The following CNBD2 variants were observed in gnomAD, a reference collection of about 807,000 sequenced individuals.
CNBD2 encodes the protein cyclic nucleotide-binding domain-containing protein 2.
CNBD2 carries 64 observed loss-of-function variants against 63.7 expected under a neutral mutation model. That is an observed-to-expected ratio of 1.00 (90% CI 0.82 to 1.24). The LOEUF (loss-of-function observed/expected upper bound fraction) is 1.24. Among genes scored for constraint, CNBD2 ranks in the 50% most tolerant of loss-of-function variants. The pLI, the probability that CNBD2 is intolerant of heterozygous loss-of-function variation, is 0.00. For missense variants in CNBD2, 691 were observed against 713.5 expected, an observed-to-expected ratio of 0.97 and a Z score of 0.36; for synonymous variants, 229 against 255.4, an observed-to-expected ratio of 0.90 and a Z score of 0.99.
chr20:36,000,403 G>GTC (rs1482509104), intron 8 of CNBD2, among the ~76,000 whole-genome samples: 2 of 152,016 alleles, frequency 1.3e-5, no homozygotes, highest in African/African-American at 4.8e-5. Context: ...TTGAGACAGA[G>GTC]TCTCACTCTG....
chr20:35,966,627 G>A (rs953100886), upstream of CNBD2, among the ~76,000 whole-genome samples: 29 of 152,000 alleles, frequency 1.9e-4, no homozygotes, highest in Non-Finnish European at 1.2e-4. Flanking sequence ...CTTGATTTGG[G>A]TGAGGTCTTC....
intron 1 of CNBD2, among the ~76,000 whole-genome samples, chr20:35,969,705 C>T (rs1303483675): frequency 1.3e-5 from 2 of 152,146 alleles, no homozygotes; most frequent in African/African-American, 2.4e-5. Flanking sequence ...TTGATCCCTT[C>T]GATCCCTACT....
In CNBD2 at chr20:35,987,490, CAA is replaced by C. The variant is rs752473467; in HGVS notation, c.815_816del (p.Lys272ArgfsTer17). On this transcript the variant is annotated frameshift_variant, in exon 7 of 12. Coordinates refer to ENST00000373973, the MANE Select transcript of CNBD2 (RefSeq NM_001365709.1). LOFTEE classifies it high-confidence loss of function. ...AGGTTCTCGTATGGGCAGCTGATCT[CAA>C]AAGATTTTGGAGAGTCACCCTTCAT... 1 of 1,614,162 alleles carries C rather than the reference CAA, an allele frequency of 6.2e-7. No homozygotes were observed. The highest frequency in any genetic ancestry group is 1.7e-5 in the Admixed American group (1 of 60,016).
At chr20:35,971,474 G>A (rs1256821455) in intron 1 of CNBD2, among the ~76,000 whole-genome samples, 3 of 152,040 alleles carry the variant, frequency 2.0e-5, no homozygotes, top group African/African-American at 7.2e-5. Context: ...GTAGTGCAGA[G>A]GCGCGATCTC....
chr20:36,009,206 T>C (rs189842460), intron 9 of CNBD2, among the ~76,000 whole-genome samples: 4,616 of 144,652 alleles, frequency 0.032, 252 homozygotes, highest in African/African-American at 0.11. Flanking sequence ...GTCTCTCTCT[T>C]TTTTTTTTTT....
chr20:35,971,888 T>C (rs766453280), intron 1 of CNBD2, among the ~76,000 whole-genome samples: 1 of 152,208 alleles, frequency 6.6e-6, no homozygotes, highest in African/African-American at 2.4e-5. Context: ...TTCTTCTACA[T>C]CCTGGATTTT....
chr20:35,987,876 A>G (rs2056690701), intron 7 of CNBD2, among the ~76,000 whole-genome samples: 1 of 151,962 alleles, frequency 6.6e-6, no homozygotes, highest in African/African-American at 2.4e-5. Flanking sequence ...TTATTTATTT[A>G]TTTATTTTGA....
At chr20:36,026,183 G>A (rs990173647) in intron 11 of CNBD2, among the ~76,000 whole-genome samples, 5 of 152,102 alleles carry the variant, frequency 3.3e-5, no homozygotes, top group Admixed American at 6.6e-5. Flanking sequence ...ACAGGCAGGC[G>A]CCACCATGCC....
chr20:35,965,125 T>C (rs1262128502), upstream of CNBD2, among the ~76,000 whole-genome samples: 2 of 152,164 alleles, frequency 1.3e-5, no homozygotes, highest in Admixed American at 6.5e-5. Flanking sequence ...TTGTAAGCAT[T>C]TGTTGTATAG....
intron 7 of CNBD2, among the ~76,000 whole-genome samples, chr20:35,988,811 C>T (rs2056704037): frequency 6.6e-6 from 1 of 152,084 alleles, no homozygotes; most frequent in African/African-American, 2.4e-5. Context: ...CACAGCTCTG[C>T]CAGCCTTGCA....
At chr20:35,964,755 T>C (rs1012626092), upstream of CNBD2, among the ~76,000 whole-genome samples, 5 of 151,166 alleles carry the variant, frequency 3.3e-5, no homozygotes, top group African/African-American at 9.8e-5. Context: ...CAGGCTGGAG[T>C]GCAGTGCCAT....
intron 3 of CNBD2, among the ~76,000 whole-genome samples, chr20:35,976,254 T>C (rs1568860925): frequency 6.6e-6 from 1 of 152,004 alleles, no homozygotes; most frequent in Non-Finnish European, 1.5e-5. Context: ...GCAGAACCAA[T>C]GGGAGAGAGT....
At chr20:35,983,753 C>T (rs1025313716) in intron 4 of CNBD2, among the ~76,000 whole-genome samples, 2 of 152,224 alleles carry the variant, frequency 1.3e-5, no homozygotes, top group Admixed American at 1.3e-4. Context: ...CCCAGACTGG[C>T]AAAGACTCTG....
chr20:35,985,588 C>T (rs1475236830), intron 6 of CNBD2, among the ~76,000 whole-genome samples: 1 of 151,384 alleles, frequency 6.6e-6, no homozygotes. Context: ...TGGGTTCAAG[C>T]AATTCTCCTG....
At chr20:35,956,381 C>T (rs2056257049), downstream of CNBD2, among the ~76,000 whole-genome samples, 1 of 152,102 alleles carries the variant, frequency 6.6e-6, no homozygotes, top group African/African-American at 2.4e-5. Context: ...AAGAGCTGGC[C>T]ACACTGGACC....
intron 1 of CNBD2, among the ~76,000 whole-genome samples, chr20:35,969,148 C>G (rs2056377461): frequency 6.6e-6 from 1 of 152,196 alleles, no homozygotes; most frequent in Non-Finnish European, 1.5e-5. Flanking sequence ...GCCAGACTAC[C>G]TAGGTTTAAA....
chr20:35,966,163 G>A (rs901865330), upstream of CNBD2, among the ~76,000 whole-genome samples: 2 of 152,090 alleles, frequency 1.3e-5, no homozygotes, highest in Non-Finnish European at 2.9e-5. Flanking sequence ...GGTTTGCAGT[G>A]GGGGAGGCAA....
chr20:35,998,874 CAAAA>C (rs74173968), intron 8 of CNBD2, among the ~76,000 whole-genome samples: 2 of 47,376 alleles, frequency 4.2e-5, no homozygotes, highest in Non-Finnish European at 8.3e-5. Flanking sequence ...CTGTGTCTCT[CAAAA>C]AAAAAAAAAA....
Position 35,995,151 on chromosome 20 carries a change from T to C in CNBD2, c.969T>C (p.Ser323=), listed in dbSNP as rs760336953. 1.2e-5 allele frequency: 19 copies of C among 1,610,014 alleles called. No individual in the cohort carries two copies. The highest frequency in any genetic ancestry group is 1.6e-5 in the Non-Finnish European group (19 of 1,177,006). ...GCAGACCTCTGAAGACCCACCTGAG[T>C]GGTAAGCTGCCTTGGCCTGTCTGAC... is the stretch of plus-strand genomic sequence containing the variant. The part of the protein sequence containing the change: ...IDGRPLKTHL[S]EYSPMERFKE... Residue 323 remains serine (S), a splice_region_variant and synonymous_variant, in exon 8 of 12, where the codon AGT becomes AGC. Transcript: ENST00000373973.
Sources: gnomAD v4.1 joint callset for allele counts (sites outside exome capture counted in the v4.1 genomes callset) on GRCh38, gnomAD v4.1.1 for gene constraint, MANE v1.5 for transcripts, NCBI Gene and HGNC (gene_info 2026-07-23, HGNC 2026-07-21) for gene names.